BNIP3L: variants seen among roughly 807,000 people sequenced by gnomAD.
BNIP3L encodes BCL2 interacting protein 3 like.
Under a neutral mutation model 25.5 loss-of-function variants are expected in BNIP3L, and 10 were observed. That is an observed-to-expected ratio of 0.39 (90% CI 0.24 to 0.67). The LOEUF is 0.67. Ranked by LOEUF, BNIP3L falls within the 30% of genes least tolerant of loss-of-function variation. BNIP3L has a pLI of 0.45. For synonymous variants in BNIP3L, 113 were observed against 101.2 expected (o/e 1.12, Z -0.70); for missense variants, 215 against 270.9 (o/e 0.79, Z 1.45).
rs1233312703 is a variant in BNIP3L at position 26,397,480 on chromosome 8, C to G, written c.357+2178C>G. The stretch of plus-strand genomic sequence containing the variant: ...AAGAGCTCCTGAAGGAAGCGCTAAA[C>G]ATGGAAAGGAACAACCGGTACCAGC... On this transcript the variant is annotated intron_variant, in intron 3 of 5. Transcript: ENST00000380629. 2.7e-3 allele frequency among the ~76,000 whole-genome samples: 349 copies of G among 129,688 alleles called. 1 individual carries two copies. The highest frequency in any genetic ancestry group is 3.7e-3 in the Non-Finnish European group (228 of 61,332). 85.1% of individuals were successfully genotyped at this position (129,688 alleles called of 152,430 possible).
intron 1 of BNIP3L, among the ~76,000 whole-genome samples, chr8:26,385,964 C>T (rs1220930872): frequency 3.3e-5 from 5 of 152,094 alleles, no homozygotes; most frequent in African/African-American, 9.7e-5. Flanking sequence ...GATTTTTGGG[C>T]AATGGGCAAA....
chr8:26,403,630 C>T (rs1005625999), intron 3 of BNIP3L, among the ~76,000 whole-genome samples: 8 of 151,714 alleles, frequency 5.3e-5, no homozygotes, highest in Non-Finnish European at 1.0e-4. Context: ...CTTCGATTCC[C>T]GGCTCAAGCA....
chr8:26,392,702 TAGTC>T (rs1563338918), intron 2 of BNIP3L, among the ~76,000 whole-genome samples: 1 of 152,158 alleles, frequency 6.6e-6, no homozygotes, highest in Non-Finnish European at 1.5e-5. Context: ...GCTACAGCAT[TAGTC>T]TGTCTTTCCG....
intron 5 of BNIP3L, among the ~76,000 whole-genome samples, chr8:26,408,584 A>G (rs959424851): frequency 3.3e-5 from 5 of 152,180 alleles, no homozygotes; most frequent in Non-Finnish European, 5.9e-5. Flanking sequence ...TGAAAATAAG[A>G]TGTTTGGCCT....
At chr8:26,396,580 A>G (rs1381046064) in intron 3 of BNIP3L, among the ~76,000 whole-genome samples, 2 of 147,264 alleles carry the variant, frequency 1.4e-5, no homozygotes. Context: ...TCCTCCTCCA[A>G]AGGAACGCAG....
chr8:26,391,897 A>G (rs1323290834), intron 2 of BNIP3L, among the ~76,000 whole-genome samples: 1 of 152,224 alleles, frequency 6.6e-6, no homozygotes, highest in Admixed American at 6.5e-5. Context: ...CGTAGTAGAC[A>G]CTCAGTAAAT....
chr8:26,404,237 A>G (rs998220287), intron 3 of BNIP3L, among the ~76,000 whole-genome samples: 1 of 152,200 alleles, frequency 6.6e-6, no homozygotes, highest in African/African-American at 2.4e-5. Flanking sequence ...CCGAGAAGCG[A>G]TATAGATTAT....
At chr8:26,391,844 G>A (rs1563338621) in intron 2 of BNIP3L, among the ~76,000 whole-genome samples, 1 of 152,170 alleles carries the variant, frequency 6.6e-6, no homozygotes, top group Admixed American at 6.5e-5. Context: ...AAGGGCAGGG[G>A]CCATGTTTAA....
chr8:26,386,030 G>T (rs1226681905), intron 1 of BNIP3L, among the ~76,000 whole-genome samples: 1 of 152,214 alleles, frequency 6.6e-6, no homozygotes, highest in Non-Finnish European at 1.5e-5. Context: ...GAAGGACTTT[G>T]TTGGGTAAAG....
intron 3 of BNIP3L, among the ~76,000 whole-genome samples, chr8:26,404,999 G>T (rs796211783): frequency 7.9e-5 from 12 of 152,298 alleles, no homozygotes; most frequent in African/African-American, 2.9e-4. Context: ...AATGAGGAAA[G>T]CTTACCACTC....
intron 1 of BNIP3L, chr8:26,383,535 C>A (rs1344188004): frequency 1.2e-4 from 2 of 16,680 alleles, no homozygotes; most frequent in South Asian, 5.8e-4. Context: ...CCGGGCGGGG[C>A]GGGGCGGGGG....
chr8:26,408,189 T>C, intron 4 of BNIP3L, 38 bp from the exon 5 acceptor site: 1 of 1,612,134 alleles, frequency 6.2e-7, no homozygotes, highest in Non-Finnish European at 8.5e-7. Flanking sequence ...CCACGATATT[T>C]TCAGCAAATG....
chr8:26,408,127 C>A, intron 4 of BNIP3L, 24 bp downstream of exon 4: 1 of 1,612,622 alleles, frequency 6.2e-7, no homozygotes, highest in South Asian at 1.1e-5. Flanking sequence ...TGTTTCTTGT[C>A]AGTGGACACA....
At position 26,410,686 on chromosome 8, in the gene BNIP3L, G is replaced by A. The variant is rs1263442776; in HGVS notation, c.*274G>A. The A allele has an allele frequency of 4.5e-6, 2 of 441,196 alleles. No homozygotes were observed. The highest frequency in any genetic ancestry group is 8.4e-6 in the Non-Finnish European group (2 of 238,704). 27.3% of individuals were successfully genotyped at this position (441,196 alleles called of 1,614,324 possible). A position where few individuals can be genotyped will look rare whatever the true frequency, so the allele number is the denominator to read the frequency against. The stretch of plus-strand genomic sequence containing the variant: ...TTGCAAGGGCTTCTTTTCCGCAAAT[G>A]CCACCAGCAGATTATAATTTTGTCA... On this transcript the variant is annotated 3_prime_UTR_variant, in exon 6 of 6. Transcript: ENST00000380629.
In BNIP3L at chr8:26,383,078, C is replaced by T. The variant is rs541391620; in HGVS notation, c.-53C>T. 82 of 1,487,626 alleles carry T rather than the reference C, an allele frequency of 5.5e-5. No individual in the cohort carries two copies. The African/African-American group carries it at 7.0e-4, about 13-fold the overall frequency. The allele number at this position is 1,487,626 out of a possible 1,614,324, so 92.2% of individuals were successfully genotyped here. On this transcript the variant is annotated 5_prime_UTR_variant, in exon 1 of 6. Transcript: ENST00000380629. ...CGGACTCGGCTTGTTGTGTTGCTGC[C>T]TGAGTGCCGGAGACGGTCCTGCTGC...
At chr8:26,402,764 T>TA (rs917963506) in intron 3 of BNIP3L, among the ~76,000 whole-genome samples, 14 of 151,908 alleles carry the variant, frequency 9.2e-5, no homozygotes, top group East Asian at 1.9e-4. Context: ...TCTCTGTCTC[T>TA]AAAAAAAAGA....
Position 26,408,871 on chromosome 8 carries a change from C to CGG in BNIP3L, c.611+496_611+497dup, listed in dbSNP as rs139384354. 2.4e-4 allele frequency among the ~76,000 whole-genome samples: 10 copies of CGG among 41,202 alleles called. No individual in the cohort carries two copies. The East Asian group carries it at 3.7e-3, about 15-fold the overall frequency. 27.0% of individuals were successfully genotyped at this position (41,202 alleles called of 152,430 possible). ...TGGGGGATAGAGTGAGACTCCATCT[C>CGG]GGAAAAAAAAAAAAAAAAAAGAAGA... On this transcript the variant is annotated intron_variant, in intron 5 of 5. Transcript: ENST00000380629.
chr8:26,407,910 G>A, intron 3 of BNIP3L, 90 bp from the exon 4 acceptor site: 1 of 1,118,558 alleles, frequency 8.9e-7, no homozygotes, highest in Non-Finnish European at 1.3e-6. Flanking sequence ...ACAACCTTAT[G>A]AGTTTGGTAT....
chr8:26,405,885 A>G (rs1806489694), intron 3 of BNIP3L, among the ~76,000 whole-genome samples: 1 of 152,078 alleles, frequency 6.6e-6, no homozygotes, highest in Admixed American at 6.5e-5. Flanking sequence ...TCTACGAAAA[A>G]TATAAAAATT....
Sources: allele counts gnomAD v4.1 joint callset (sites outside exome capture counted in the v4.1 genomes callset), GRCh38; gene constraint gnomAD v4.1.1; transcripts MANE v1.5; gene names NCBI Gene and HGNC (gene_info 2026-07-23, HGNC 2026-07-21).